Variants in RFC3 observed in about 807,000 individuals in gnomAD.
RFC3 encodes A1 38 kDa subunit.
Under a neutral mutation model 45.1 loss-of-function variants are expected in RFC3, and 41 were observed. That is an observed-to-expected ratio of 0.91 (90% CI 0.71 to 1.18). The LOEUF is 1.18. Among genes scored for constraint, RFC3 ranks in the 50% most tolerant of loss-of-function variants. The probability of loss-of-function intolerance (pLI) is 0.00; values close to 1 mark genes in which losing one functional copy is unlikely to be tolerated. For synonymous variants in RFC3, 149 were observed against 144.0 expected (o/e 1.03, Z -0.25); for missense variants, 423 against 428.1 (o/e 0.99, Z 0.10).
chr13:33,907,250 A>T (rs1487873954), intron 8 of RFC3, among the ~76,000 whole-genome samples: 1 of 152,088 alleles, frequency 6.6e-6, no homozygotes, highest in African/African-American at 2.4e-5. Flanking sequence ...TTGCTTTTGG[A>T]TTGTGAAAAT....
chr13:33,852,638 A>C (rs1292327242), intron 8 of RFC3, among the ~76,000 whole-genome samples: 1 of 152,188 alleles, frequency 6.6e-6, no homozygotes, highest in Non-Finnish European at 1.5e-5. Flanking sequence ...AAGGCCTACA[A>C]ATGTGGGTCT....
At chr13:33,951,133 A>G in intron 8 of RFC3, among the ~76,000 whole-genome samples, 1 of 141,776 alleles carries the variant, frequency 7.1e-6, no homozygotes, top group East Asian at 2.1e-4. Flanking sequence ...TTCTTTTCTA[A>G]TGGGTTTTGG....
intron 7 of RFC3, among the ~76,000 whole-genome samples, chr13:33,833,773 G>T (rs1055569665): frequency 1.3e-5 from 2 of 152,038 alleles, no homozygotes; most frequent in Admixed American, 6.5e-5. Flanking sequence ...GGATGTCAGA[G>T]AAATCACAGG....
At chr13:33,861,986 A>G (rs2082343772) in intron 8 of RFC3, among the ~76,000 whole-genome samples, 2 of 152,216 alleles carry the variant, frequency 1.3e-5, no homozygotes, top group South Asian at 4.1e-4. Flanking sequence ...CTGTGAAAAT[A>G]TGCTTCTTGC....
chr13:33,830,958 G>A, intron 6 of RFC3, 103 bp downstream of exon 6: 2 of 883,504 alleles, frequency 2.3e-6, no homozygotes, highest in South Asian at 1.7e-5. Flanking sequence ...CTGGGCAGGG[G>A]TGGGGGATGG....
intron 8 of RFC3, among the ~76,000 whole-genome samples, chr13:33,860,623 G>A (rs1175412077): frequency 1.3e-5 from 2 of 152,126 alleles, no homozygotes; most frequent in Admixed American, 6.6e-5. Context: ...CCAGGCAGCC[G>A]TGAGGAGAGA....
At chr13:33,922,192 T>C (rs943663893) in intron 8 of RFC3, among the ~76,000 whole-genome samples, 10 of 152,030 alleles carry the variant, frequency 6.6e-5, no homozygotes, top group Non-Finnish European at 1.5e-4. Context: ...CTTTCTTTTT[T>C]ATTTTTTAAA....
intron 8 of RFC3, among the ~76,000 whole-genome samples, chr13:33,875,224 G>A (rs1377682115): frequency 1.3e-5 from 2 of 152,208 alleles, no homozygotes; most frequent in Non-Finnish European, 2.9e-5. Context: ...ATGTTTGAAG[G>A]TGGATTTATT....
At chr13:33,825,155 C>T (rs1302241842) in intron 3 of RFC3, among the ~76,000 whole-genome samples, 5 of 152,168 alleles carry the variant, frequency 3.3e-5, no homozygotes, top group Non-Finnish European at 5.9e-5. Flanking sequence ...ATTGACTTCT[C>T]TTGGCTTGAG....
In RFC3 at chr13:33,818,265, G is replaced by A. The variant is rs2081966520; in HGVS notation, c.87G>A (p.Leu29=). 6.2e-7 allele frequency: 1 copy of A among 1,613,314 alleles called. No individual in the cohort carries two copies. Among genetic ancestry groups the A allele is most frequent in the African/African-American group, 1.3e-5 (1 of 75,060 alleles). Residue 29 remains leucine (L), a splice_region_variant and synonymous_variant, in exon 1 of 9, where the codon CTG becomes CTA. Transcript: ENST00000380071. ...AGCAGGCGGCCCAGCTGCGGAACCT[G>A]GTGAGTCTGCGGGGGCCGGGAGCGT... ...HKEQAAQLRN[L]VQCGDFPHLL... is the part of the protein sequence containing the mutation.
In RFC3 at chr13:33,818,150, A is replaced by G. The variant is rs769675392; in HGVS notation, c.-29A>G. On this transcript the variant is annotated 5_prime_UTR_variant, in exon 1 of 9. Coordinates refer to ENST00000380071, the MANE Select transcript of RFC3 (RefSeq NM_002915.4). ...GACGCGCGCTCGCGCGGGATTTTCA[A>G]GCGTAGGCCCCCGGGAACTCGAGCT... The G allele has an allele frequency of 6.3e-7, 1 of 1,596,808 alleles. No homozygotes were observed. Among genetic ancestry groups the G allele is most frequent in the East Asian group, 2.2e-5 (1 of 44,528 alleles).
chr13:33,909,339 C>G (rs1025991946), intron 8 of RFC3, among the ~76,000 whole-genome samples: 1 of 152,012 alleles, frequency 6.6e-6, no homozygotes, highest in Non-Finnish European at 1.5e-5. Context: ...CCCTGACCTC[C>G]TGTTCTTAGA....
At chr13:33,968,380 G>A (rs1412078366), downstream of RFC3, among the ~76,000 whole-genome samples, 1 of 152,120 alleles carries the variant, frequency 6.6e-6, no homozygotes, top group Admixed American at 6.5e-5. Context: ...CTCCCACCTC[G>A]GCCTCCTGCA....
intron 8 of RFC3, among the ~76,000 whole-genome samples, chr13:33,875,380 A>ACGAAGCAT (rs1402663729): frequency 6.6e-6 from 1 of 152,202 alleles, no homozygotes; most frequent in East Asian, 1.9e-4. Flanking sequence ...CTGCAGAATG[A>ACGAAGCAT]CGAAGCATTA....
chr13:33,966,275 G>GA, exon 9 of RFC3: 1 of 675,330 alleles, frequency 1.5e-6, no homozygotes, highest in East Asian at 2.7e-5. Context: ...TATTTCCTGA[G>GA]AAAATCCCTC....
chr13:33,955,324 T>C (rs2083015454), intron 8 of RFC3, among the ~76,000 whole-genome samples: 2 of 152,188 alleles, frequency 1.3e-5, no homozygotes, highest in African/African-American at 4.8e-5. Context: ...TTAACTCTGC[T>C]TAACAACGAT....
intron 8 of RFC3, among the ~76,000 whole-genome samples, chr13:33,851,631 G>T (rs1398097926): frequency 6.6e-6 from 1 of 151,980 alleles, no homozygotes; most frequent in East Asian, 1.9e-4. Flanking sequence ...GCTGTCTCAG[G>T]GGTGGCAGAG....
chr13:33,867,238 A>G (rs1290931925), intron 8 of RFC3, among the ~76,000 whole-genome samples: 1 of 152,212 alleles, frequency 6.6e-6, no homozygotes, highest in East Asian at 1.9e-4. Context: ...AATACACTCT[A>G]AACTGTCAAC....
intron 8 of RFC3, among the ~76,000 whole-genome samples, chr13:33,876,390 C>T (rs1374678749): frequency 6.6e-6 from 1 of 152,102 alleles, no homozygotes; most frequent in Non-Finnish European, 1.5e-5. Context: ...TGTTGACAAT[C>T]CTTATTTTAA....
Sources: allele counts gnomAD v4.1 joint callset (sites outside exome capture counted in the v4.1 genomes callset), GRCh38; gene constraint gnomAD v4.1.1; transcripts MANE v1.5; gene names NCBI Gene and HGNC (gene_info 2026-07-23, HGNC 2026-07-21).